The following CHD7 variants were observed in gnomAD, a reference collection of about 807,000 sequenced individuals.
CHD7 encodes the protein chromodomain helicase DNA binding protein 7.
CHD7 carries 24 observed loss-of-function variants against 307.3 expected under a neutral mutation model. The observed-to-expected ratio is 0.08, with a 90% CI of 0.06 to 0.11. The LOEUF (loss-of-function observed/expected upper bound fraction) is 0.11. Ranked by LOEUF, CHD7 falls within the 10% of genes least tolerant of loss-of-function variation. The probability of loss-of-function intolerance (pLI) is 1.00; values close to 1 mark genes in which losing one functional copy is unlikely to be tolerated. For missense variants in CHD7, 3,106 were observed against 3,727.1 expected (o/e 0.83, Z 4.34); for synonymous variants, 1,363 against 1,349.9 (o/e 1.01, Z -0.21).
rs530304767 is a variant in CHD7 at position 60,719,523 on chromosome 8, G to C, written c.-174-21736G>C. On this transcript the variant is annotated intron_variant, in intron 1 of 37. Transcript: ENST00000423902. ...TACATTATTATTATTGATTAAATAT[G>C]TTAGGGGCTAGTTTGTCTTGCCATG... Among the ~76,000 whole-genome samples, 4 of 152,242 alleles carry C rather than the reference G, an allele frequency of 2.6e-5. No homozygotes were observed. The East Asian group carries it at 5.8e-4, about 22-fold the overall frequency.
rs530591476 is a variant in CHD7, at chr8:60,808,056, G to T, written c.2443-161G>T. ...TGGGCCTGAGCGTGGCAGTCTTCGT[G>T]GCCCTGGCCACCTCCCAGCACACGG... On this transcript the variant is annotated intron_variant, in intron 6 of 37. Transcript: ENST00000423902. Among the ~76,000 whole-genome samples, 49 of 152,348 alleles carry T rather than the reference G, an allele frequency of 3.2e-4. 1 individual carries two copies. The South Asian group carries it at 8.7e-3, about 27-fold the overall frequency.
At chr8:60,841,536 T>C in intron 19 of CHD7, 108 bp from the exon 20 acceptor site, 1 of 813,944 alleles carries the variant, frequency 1.2e-6, no homozygotes, top group Admixed American at 2.0e-5. Flanking sequence ...GTGTCTGGCA[T>C]AAGTGGAGGA....
chr8:60,822,811 C>A, intron 12 of CHD7, 65 bp downstream of exon 12: 1 of 1,407,828 alleles, frequency 7.1e-7, no homozygotes, highest in Non-Finnish European at 9.4e-7. Flanking sequence ...AAAAAAAAAT[C>A]AAAGTCTTGG....
At chr8:60,835,437 A>G (rs1804699245) in intron 15 of CHD7, among the ~76,000 whole-genome samples, 1 of 152,240 alleles carries the variant, frequency 6.6e-6, no homozygotes, top group African/African-American at 2.4e-5. Flanking sequence ...GAATTTTTGT[A>G]TCTTAGGAAA....
intron 27 of CHD7, 67 bp downstream of exon 27, chr8:60,851,171 T>C: frequency 6.7e-7 from 1 of 1,482,526 alleles, no homozygotes; most frequent in East Asian, 2.5e-5. Flanking sequence ...TAAGACTTGT[T>C]AAACTTTATA....
chr8:60,693,823 A>G (rs1171077757), intron 1 of CHD7, among the ~76,000 whole-genome samples: 3 of 152,252 alleles, frequency 2.0e-5, no homozygotes, highest in African/African-American at 7.2e-5. Flanking sequence ...AAGTGATCCA[A>G]CTAGCAGCTG....
intron 35 of CHD7, 22 bp from the exon 36 acceptor site, chr8:60,862,174 A>AAATATGTTT: frequency 6.3e-7 from 1 of 1,586,540 alleles, no homozygotes; most frequent in Non-Finnish European, 8.6e-7. Context: ...CAATTTTACT[A>AAATATGTTT]AATATGTTTT....
intron 1 of CHD7, among the ~76,000 whole-genome samples, chr8:60,714,317 G>A (rs1807451879): frequency 6.8e-6 from 1 of 146,162 alleles, no homozygotes; most frequent in Non-Finnish European, 1.5e-5. Flanking sequence ...CCTCATGCCC[G>A]CCTCAGTGGC....
At position 60,714,406 on chromosome 8, in the gene CHD7, G is replaced by GCCCCCCCCCC. The variant is rs71245516; in HGVS notation, c.-174-26841_-174-26832dup. The stretch of plus-strand genomic sequence containing the variant: ...CTGACAACATGGCGGCCGGGAGAAG[G>GCCCCCCCCCC]CCCCCCCCCCCCCCCCCCCCCGCCC... On this transcript the variant is annotated intron_variant, in intron 1 of 37. Coordinates refer to ENST00000423902, the MANE Select transcript of CHD7 (RefSeq NM_017780.4). Among the ~76,000 whole-genome samples, 59 of 17,626 alleles carry GCCCCCCCCCC rather than the reference G, an allele frequency of 3.3e-3. 18 individuals carry two copies. Among genetic ancestry groups the GCCCCCCCCCC allele is most frequent in the Non-Finnish European group, 5.1e-3 (42 of 8,178 alleles). The allele number at this position is 17,626 out of a possible 152,430, so 11.6% of individuals were successfully genotyped here.
chr8:60,800,640 A>AACATTAGGTGGATGTT, intron 5 of CHD7, 115 bp downstream of exon 5: 1 of 1,045,652 alleles, frequency 9.6e-7, no homozygotes, highest in African/African-American at 1.6e-5. Context: ...GGGAACATCC[A>AACATTAGGTGGATGTT]CCTAATGTTG....
At position 60,816,117 on chromosome 8, in the gene CHD7, C is replaced by CTG. The variant is rs1563624933; in HGVS notation, c.2499-269_2499-268insGT. Among the ~76,000 whole-genome samples the CTG allele has an allele frequency of 0.021, 680 of 32,794 alleles. 2 individuals are homozygous for CTG. Among genetic ancestry groups the CTG allele is most frequent in the African/African-American group, 0.051 (419 of 8,294 alleles). 21.5% of individuals were successfully genotyped at this position (32,794 alleles called of 152,430 possible). A position where few individuals can be genotyped will look rare whatever the true frequency, so the allele number is the denominator to read the frequency against. Reference sequence around the variant, plus strand: ...CTTTTGTCTGTCTGTCTGTCTGTCTCTCTCTCTCTCTCTCTCTCTCTCTCT... The same window carrying CTG: ...CTTTTGTCTGTCTGTCTGTCTGTCTCTGTCTCTCTCTCTCTCTCTCTCTCTCT... On this transcript the variant is annotated intron_variant, in intron 7 of 37. Coordinates refer to ENST00000423902, the MANE Select transcript of CHD7 (RefSeq NM_017780.4).
chr8:60,714,406 G>GCCTCC (rs1807461800), intron 1 of CHD7, among the ~76,000 whole-genome samples: 1 of 17,622 alleles, frequency 5.7e-5, no homozygotes, highest in Non-Finnish European at 1.2e-4. Context: ...CCGGGAGAAG[G>GCCTCC]CCCCCCCCCC....
Position 60,850,042 on chromosome 8 carries a change from G to T in CHD7, c.5405-451G>T, listed in dbSNP as rs189194614. ...TAAACCTAATAAGACAGGTTCGCTG[G>T]CCTTATGTATATGGGGATTTTTCAG... On this transcript the variant is annotated intron_variant, in intron 25 of 37. Transcript: ENST00000423902. 1.3e-3 allele frequency among the ~76,000 whole-genome samples: 199 copies of T among 152,236 alleles called. 2 individuals are homozygous for T. In the Middle Eastern group the frequency reaches 0.014, roughly 10 times the overall value.
chr8:60,836,621 TAAA>T (rs879685654), intron 16 of CHD7, among the ~76,000 whole-genome samples, 193 bp from the exon 17 acceptor site: 2 of 152,192 alleles, frequency 1.3e-5, no homozygotes, highest in Admixed American at 1.3e-4. Flanking sequence ...GGAAGTAAAA[TAAA>T]ATTTAATCTT....
intron 1 of CHD7, among the ~76,000 whole-genome samples, chr8:60,729,540 T>G (rs1808333889): frequency 6.6e-6 from 1 of 152,168 alleles, no homozygotes; most frequent in African/African-American, 2.4e-5. Flanking sequence ...ATAATTTTAT[T>G]ATCAGCTGAT....
rs145297742 is a variant in CHD7 at position 60,795,694 on chromosome 8, A to G, written c.2238+567A>G. ...CCCGACTTTAGGAGAGTTTTATAGGAATGAGTTGAAATGCTAACCCTGAAG... is the reference window on the plus strand; with the variant it reads ...CCCGACTTTAGGAGAGTTTTATAGGGATGAGTTGAAATGCTAACCCTGAAG... On this transcript the variant is annotated intron_variant, in intron 4 of 37. Transcript: ENST00000423902. Among the ~76,000 whole-genome samples the G allele has an allele frequency of 1.1e-4, 16 of 152,304 alleles. No individual in the cohort carries two copies. The East Asian group carries it at 3.1e-3, about 29-fold the overall frequency.
chr8:60,806,621 A>G (rs946832714), intron 6 of CHD7, among the ~76,000 whole-genome samples: 8 of 152,234 alleles, frequency 5.3e-5, no homozygotes, highest in African/African-American at 1.9e-4. Flanking sequence ...TAGATCCATT[A>G]TGGCACAACC....
chr8:60,852,359 G>A, intron 29 of CHD7, 112 bp downstream of exon 29: 1 of 1,295,548 alleles, frequency 7.7e-7, no homozygotes, highest in Non-Finnish European at 1.1e-6. Context: ...CCAAAGAAAG[G>A]CTCGCTCCAA....
chr8:60,861,360 C>T (rs1158470080), intron 35 of CHD7: 1 of 443,560 alleles, frequency 2.3e-6, no homozygotes, highest in African/African-American at 2.0e-5. Context: ...TATGCATTTC[C>T]TTACTGTTTG....
Sources: gnomAD v4.1 joint callset for allele counts (sites outside exome capture counted in the v4.1 genomes callset) on GRCh38, gnomAD v4.1.1 for gene constraint, MANE v1.5 for transcripts, NCBI Gene and HGNC (gene_info 2026-07-23, HGNC 2026-07-21) for gene names.